The following SPTB variants were observed in gnomAD, a reference collection of about 807,000 sequenced individuals.
SPTB encodes the protein spectrin beta chain, erythrocytic.
In SPTB, 45 loss-of-function variants were observed where a neutral mutation model predicts 256.2. That is an observed-to-expected ratio of 0.18 (90% CI 0.14 to 0.23). SPTB has a LOEUF of 0.23. Among genes scored for constraint, SPTB ranks in the 10% least tolerant of loss-of-function variants. The probability of loss-of-function intolerance (pLI) is 1.00; values close to 1 mark genes in which losing one functional copy is unlikely to be tolerated. For missense variants in SPTB, 2,715 were observed against 3,040.4 expected, an observed-to-expected ratio of 0.89 and a Z score of 2.52; for synonymous variants, 1,231 against 1,243.1, an observed-to-expected ratio of 0.99 and a Z score of 0.21.
At chr14:64,800,958 A>T (rs900627005) in intron 7 of SPTB, 90 bp from the exon 8 acceptor site, 1 of 1,010,494 alleles carries the variant, frequency 9.9e-7, no homozygotes, top group East Asian at 2.6e-5. Flanking sequence ...TCCAGCATCA[A>T]GTTCAACTAC....
chr14:64,847,547 G>A lies in SPTB; in HGVS notation c.-51-24402C>T, dbSNP rs1235175587. 2.6e-5 allele frequency among the ~76,000 whole-genome samples: 4 copies of A among 152,058 alleles called. No individual in the cohort carries two copies. The highest frequency in any genetic ancestry group is 6.6e-5 in the Admixed American group (1 of 15,260). On this transcript the variant is annotated intron_variant, in intron 1 of 35. Transcript: ENST00000644917. This position sits in a 1 kb window ranked among gnomAD's most constrained non-coding sequence, Gnocchi z 5.9. ...AGCTACATTGGCTTTGGATCAGAAC[G>A]TCAACTCAGAAGAAGAAATCCAGGG... is the stretch of plus-strand genomic sequence containing the variant.
intron 33 of SPTB, chr14:64,752,336 G>C: frequency 9.1e-7 from 1 of 1,096,092 alleles, no homozygotes; most frequent in Non-Finnish European, 1.2e-6. Context: ...CAGGAAGGTG[G>C]AGAAACTAGT....
chr14:64,848,483 T>A (rs2083728837), intron 1 of SPTB, among the ~76,000 whole-genome samples: 1 of 152,210 alleles, frequency 6.6e-6, no homozygotes, highest in South Asian at 2.1e-4. Context: ...ATTACATCAC[T>A]TAGTCATTTT....
chr14:64,755,938 A>G (rs1447598072), intron 32 of SPTB: 1 of 152,176 alleles, frequency 6.6e-6, no homozygotes, highest in Non-Finnish European at 1.5e-5. Context: ...ATTCGATAGG[A>G]TTCATATCCG....
At chr14:64,870,830 A>C (rs1882487488) in intron 1 of SPTB, among the ~76,000 whole-genome samples, 1 of 152,236 alleles carries the variant, frequency 6.6e-6, no homozygotes, top group Non-Finnish European at 1.5e-5. Context: ...ATATCTGCCC[A>C]CCCATGTTCA....
At chr14:64,864,970 T>C (rs1882077397) in intron 1 of SPTB, among the ~76,000 whole-genome samples, 2 of 152,068 alleles carry the variant, frequency 1.3e-5, no homozygotes, top group Non-Finnish European at 2.9e-5. Flanking sequence ...ATTGGTAAAA[T>C]AAGGGAGCTG....
At chr14:64,754,127 AG>A (rs766663212) in intron 32 of SPTB, 24 of 433,898 alleles carry the variant, frequency 5.5e-5, no homozygotes, top group Admixed American at 2.4e-4. Flanking sequence ...AAGGGGTGTG[AG>A]GGGGGGCAGG....
rs754024111 is a variant in SPTB at position 64,767,663 on chromosome 14, C to T, written c.6219G>A (p.Thr2073=). The part of the protein sequence containing the change: ...ERFAALEKPT[T]LELKERQIAE... Reference sequence around the variant, plus strand: ...CCTCCCAGCACTGTTCCCTGCTCACCGTGGTGGGCTTCTCCAGGGCAGCAA... The same window carrying T: ...CCTCCCAGCACTGTTCCCTGCTCACTGTGGTGGGCTTCTCCAGGGCAGCAA... The change falls in exon 30 of 36, where the codon ACG becomes ACA. Residue 2073 remains threonine, a splice_region_variant and synonymous_variant. Transcript: ENST00000644917. The T allele has an allele frequency of 5.0e-6, 8 of 1,613,898 alleles. No homozygotes were observed. The highest frequency in any genetic ancestry group is 6.8e-6 in the Non-Finnish European group (8 of 1,180,036).
intron 2 of SPTB, among the ~76,000 whole-genome samples, chr14:64,814,984 C>T (rs907674500): frequency 1.3e-5 from 2 of 151,904 alleles, no homozygotes; most frequent in Non-Finnish European, 2.9e-5. Context: ...AGGTCATATT[C>T]ACAGCCCCTC....
At chr14:64,762,363 A>G (rs1336032113) in intron 32 of SPTB, among the ~76,000 whole-genome samples, 1 of 152,216 alleles carries the variant, frequency 6.6e-6, no homozygotes, top group Non-Finnish European at 1.5e-5. Flanking sequence ...CTTCCATCCA[A>G]GGACGTCAGA....
Position 64,799,812 on chromosome 14 carries a change from C to A in SPTB, c.999G>T (p.Ser333=), listed in dbSNP as rs765032583. ...GCAGCTGCTGCTGGACGCCCGTCAG[C>A]GAGTTGGCAAACTTGCGGCTGTTCA... ...TVLNSRKFAN[S]LTGVQQQLQA... Residue 333 remains serine (S), a synonymous_variant, in exon 9 of 36, where the codon TCG becomes TCT. Coordinates refer to ENST00000644917, the MANE Select transcript of SPTB (RefSeq NM_001355436.2). The A allele has an allele frequency of 6.2e-6, 10 of 1,614,114 alleles. No individual in the cohort carries two copies. Among genetic ancestry groups the A allele is most frequent in the Non-Finnish European group, 7.6e-6 (9 of 1,180,052 alleles).
chr14:64,800,807 G>C lies in SPTB; in HGVS notation c.825C>G (p.His275Gln), dbSNP rs1054520140. 6.2e-7 allele frequency: 1 copy of C among 1,614,244 alleles called. No homozygotes were observed. The highest frequency in any genetic ancestry group is 8.5e-7 in the Non-Finnish European group (1 of 1,180,052). ...SIITYVVAFY[H>Q]YFSKMKVLAV... ...CCAGCACCTTCATCTTGGAGAAGTAGTGGTAAAAGGCCACCACATAGGTGA... is the reference window on the plus strand; with the variant it reads ...CCAGCACCTTCATCTTGGAGAAGTACTGGTAAAAGGCCACCACATAGGTGA... The change falls in exon 8 of 36, where the codon CAC becomes CAG. Residue 275 changes from histidine to glutamine, a missense_variant. His to Gln is a conservative substitution (Grantham distance 24). This residue lies in a region of SPTB where 416 missense variants were observed against 571.1 expected (regional missense o/e 0.73). Coordinates refer to ENST00000644917, the MANE Select transcript of SPTB (RefSeq NM_001355436.2).
At chr14:64,819,113 C>G (rs976300972) in intron 2 of SPTB, among the ~76,000 whole-genome samples, 1 of 152,222 alleles carries the variant, frequency 6.6e-6, no homozygotes, top group Non-Finnish European at 1.5e-5. Context: ...CACCCCCTTA[C>G]AGGAGCCTTC....
intron 26 of SPTB, 85 bp from the exon 27 acceptor site, chr14:64,771,214 C>T (rs1235185697): frequency 6.3e-7 from 1 of 1,593,292 alleles, no homozygotes; most frequent in African/African-American, 1.3e-5. Context: ...CAGCTACCTC[C>T]TCCTGGCCTC....
At chr14:64,815,989 C>A (rs974838733) in intron 2 of SPTB, among the ~76,000 whole-genome samples, 30 of 152,192 alleles carry the variant, frequency 2.0e-4, no homozygotes, top group African/African-American at 6.5e-4. Flanking sequence ...CTATGGGTAA[C>A]AAGCTAGCTC....
chr14:64,790,595 G>C lies in SPTB; in HGVS notation c.2804+1124C>G, dbSNP rs1016934497. On this transcript the variant is annotated intron_variant, in intron 15 of 35. Transcript: ENST00000644917. This position sits in a 1 kb window ranked among gnomAD's most constrained non-coding sequence, Gnocchi z 4.8. ...GTGGCTCTAAAGAATTCTGGTCATC[G>C]CTGCCTCCCCTTAGCCCCCCAGTGA... 1.3e-5 allele frequency among the ~76,000 whole-genome samples: 2 copies of C among 152,240 alleles called. No homozygotes were observed. Among genetic ancestry groups the C allele is most frequent in the East Asian group, 1.9e-4 (1 of 5,184 alleles).
At chr14:64,839,742 T>C (rs2083576266) in intron 1 of SPTB, among the ~76,000 whole-genome samples, 1 of 152,222 alleles carries the variant, frequency 6.6e-6, no homozygotes, top group African/African-American at 2.4e-5. Flanking sequence ...AGAGTTTTCT[T>C]GAGCAAGGTT....
Position 64,764,427 on chromosome 14 carries a change from C to A in SPTB, c.6345+2299G>T, listed in dbSNP as rs2082136797. On this transcript the variant is annotated intron_variant, in intron 32 of 35. Transcript: ENST00000644917. The surrounding 1 kb of genome is among the most constrained non-coding windows in gnomAD (Gnocchi z 4.2). ...GCCTTGGGTCTGTGTTCGTTTGAGT[C>A]ACCATCTGGTTTCTTTCCGGTACCG... 6.6e-6 allele frequency among the ~76,000 whole-genome samples: 1 copy of A among 152,208 alleles called. No individual in the cohort carries two copies. Among genetic ancestry groups the A allele is most frequent in the Admixed American group, 6.5e-5 (1 of 15,288 alleles).
intron 15 of SPTB, among the ~76,000 whole-genome samples, chr14:64,788,692 C>A (rs1229219065): frequency 6.6e-6 from 1 of 152,220 alleles, no homozygotes; most frequent in East Asian, 1.9e-4. Context: ...AGTGGCCTCA[C>A]TGTAGCCATT....
Sources: gnomAD v4.1 joint callset for allele counts (sites outside exome capture counted in the v4.1 genomes callset) on GRCh38, gnomAD v4.1.1 for gene constraint, gnomAD v4.1.1 regional missense constraint, Gnocchi (gnomAD v3.1) non-coding constraint, MANE v1.5 for transcripts, NCBI Gene and HGNC (gene_info 2026-07-23, HGNC 2026-07-21) for gene names.